Variants in CCSER1 observed in about 807,000 individuals in gnomAD.
CCSER1 encodes the protein serine-rich coiled-coil domain-containing protein 1.
A neutral mutation model predicts 82.0 loss-of-function variants in CCSER1; 41 were observed. The observed-to-expected ratio is 0.50, with a 90% confidence interval of 0.39 to 0.65. The LOEUF (loss-of-function observed/expected upper bound fraction) is 0.65, where lower values mean the gene tolerates loss of function less well. CCSER1 is among the 30% of genes least tolerant of loss of function. CCSER1 has a pLI of 0.00. For synonymous variants in CCSER1, 414 were observed against 383.9 expected (o/e 1.08, Z -0.92); for missense variants, 1,119 against 1,064.2 (o/e 1.05, Z -0.72).
intron 10 of CCSER1, among the ~76,000 whole-genome samples, chr4:91,402,710 T>A (rs1481443308): frequency 6.6e-6 from 1 of 152,188 alleles, no homozygotes; most frequent in Non-Finnish European, 1.5e-5. Context: ...TTTGTAGATG[T>A]GTGGTATTAT....
intron 4 of CCSER1, among the ~76,000 whole-genome samples, chr4:90,405,324 T>TA (rs908592895): frequency 4.6e-5 from 7 of 151,890 alleles, no homozygotes; most frequent in Non-Finnish European, 8.8e-5. Context: ...AAAAAATAAC[T>TA]AAAAAATAAA....
At chr4:90,580,527 C>G (rs1458587680) in intron 5 of CCSER1, among the ~76,000 whole-genome samples, 2 of 152,158 alleles carry the variant, frequency 1.3e-5, no homozygotes, top group Non-Finnish European at 2.9e-5. Context: ...TGTAAACTAT[C>G]TGATCAAACC....
At chr4:91,331,865 A>T (rs986241565) in intron 10 of CCSER1, among the ~76,000 whole-genome samples, 1 of 152,190 alleles carries the variant, frequency 6.6e-6, no homozygotes, top group African/African-American at 2.4e-5. Flanking sequence ...GAAACTAAGT[A>T]GGCCAACTAC....
At chr4:91,067,132 A>C (rs1581464923) in intron 9 of CCSER1, among the ~76,000 whole-genome samples, 1 of 151,850 alleles carries the variant, frequency 6.6e-6, no homozygotes, top group Non-Finnish European at 1.5e-5. Flanking sequence ...CCACTGCACT[A>C]CAGCCTGGGC....
At chr4:90,957,268 A>T (rs1481437800) in intron 9 of CCSER1, among the ~76,000 whole-genome samples, 1 of 139,304 alleles carries the variant, frequency 7.2e-6, no homozygotes, top group East Asian at 2.1e-4. Flanking sequence ...CGTCCAGCTA[A>T]TTTTTTTGTT....
intron 9 of CCSER1, among the ~76,000 whole-genome samples, chr4:90,999,078 C>T (rs536543957): frequency 1.3e-5 from 2 of 152,272 alleles, no homozygotes; most frequent in South Asian, 4.1e-4. Flanking sequence ...TTTTTCATGG[C>T]TCCATAGTAT....
At chr4:90,202,841 A>G (rs1201267888) in intron 1 of CCSER1, among the ~76,000 whole-genome samples, 1 of 152,206 alleles carries the variant, frequency 6.6e-6, no homozygotes, top group African/African-American at 2.4e-5. Flanking sequence ...TTCGTGAACC[A>G]CAGCTGCTTA....
intron 6 of CCSER1, among the ~76,000 whole-genome samples, chr4:90,694,295 C>T (rs577726402): frequency 2.0e-5 from 3 of 152,064 alleles, no homozygotes; most frequent in East Asian, 1.9e-4. Flanking sequence ...TTGTAGTGTG[C>T]CAGAGTTGGA....
chr4:91,110,136 T>C (rs1725970188), intron 10 of CCSER1, among the ~76,000 whole-genome samples: 1 of 152,048 alleles, frequency 6.6e-6, no homozygotes. Flanking sequence ...GTCCTATGCT[T>C]GGTTATGTAA....
At chr4:90,492,447 G>A (rs1240592298) in intron 5 of CCSER1, among the ~76,000 whole-genome samples, 1 of 151,958 alleles carries the variant, frequency 6.6e-6, no homozygotes, top group African/African-American at 2.4e-5. Flanking sequence ...TATCAATTTT[G>A]TTGATCTTTT....
At chr4:90,842,487 G>T (rs1453313049) in intron 8 of CCSER1, among the ~76,000 whole-genome samples, 4 of 152,124 alleles carry the variant, frequency 2.6e-5, no homozygotes, top group African/African-American at 7.2e-5. Context: ...GGATTATACA[G>T]GAAACTGGTC....
chr4:91,396,877 G>A (rs1421870061), intron 10 of CCSER1, among the ~76,000 whole-genome samples: 1 of 151,958 alleles, frequency 6.6e-6, no homozygotes, highest in Non-Finnish European at 1.5e-5. Context: ...AGCCTGATAA[G>A]ATAGAAGCCA....
chr4:90,828,777 G>A (rs1406985252), intron 8 of CCSER1, among the ~76,000 whole-genome samples: 4 of 152,062 alleles, frequency 2.6e-5, no homozygotes, highest in African/African-American at 9.7e-5. Flanking sequence ...ATCTAACAAA[G>A]CAGGCAATTA....
chr4:90,244,931 A>G (rs1238474055), intron 1 of CCSER1, among the ~76,000 whole-genome samples: 2 of 152,196 alleles, frequency 1.3e-5, no homozygotes, highest in Non-Finnish European at 2.9e-5. Flanking sequence ...CTTGGTTTGA[A>G]TTCCAGCTCT....
intron 8 of CCSER1, among the ~76,000 whole-genome samples, chr4:90,898,443 A>G (rs75041613): frequency 7.0e-6 from 1 of 143,834 alleles, no homozygotes; most frequent in Non-Finnish European, 1.5e-5. Flanking sequence ...ATGCCTGGCT[A>G]ATTTTTTTTT....
At chr4:91,030,181 G>T (rs2150552474) in intron 9 of CCSER1, among the ~76,000 whole-genome samples, 2 of 151,860 alleles carry the variant, frequency 1.3e-5, no homozygotes, top group South Asian at 4.2e-4. Context: ...TACAGTTTAT[G>T]AAATTTTTTT....
intron 1 of CCSER1, among the ~76,000 whole-genome samples, chr4:90,225,231 ATTTTTTTT>A (rs57188209): frequency 0.033 from 3,699 of 111,858 alleles, 66 homozygotes; most frequent in Admixed American, 0.061. Context: ...TACCCGGCTA[ATTTTTTTT>A]TTTTTTTTTT....
intron 8 of CCSER1, among the ~76,000 whole-genome samples, chr4:90,823,480 T>C (rs1203868286): frequency 6.6e-6 from 1 of 152,126 alleles, no homozygotes; most frequent in East Asian, 1.9e-4. Flanking sequence ...GAGGTGCTAC[T>C]TATTAATGTA....
At chr4:90,502,182 C>T (rs2068651406) in intron 5 of CCSER1, among the ~76,000 whole-genome samples, 2 of 152,230 alleles carry the variant, frequency 1.3e-5, no homozygotes, top group South Asian at 4.1e-4. Context: ...TTAGTTGACT[C>T]ACAGTTTCAT....
Sources: allele counts gnomAD v4.1 joint callset (sites outside exome capture counted in the v4.1 genomes callset), GRCh38; gene constraint gnomAD v4.1.1; transcripts MANE v1.5; gene names NCBI Gene and HGNC (gene_info 2026-07-23, HGNC 2026-07-21).